ESRRG: variants seen among roughly 807,000 people sequenced by gnomAD.
ESRRG encodes the protein estrogen-related receptor gamma.
In ESRRG, 13 loss-of-function variants were observed where a neutral mutation model predicts 44.0. That is an observed-to-expected ratio of 0.30 (90% CI 0.19 to 0.47). ESRRG has a LOEUF of 0.47. Ranked by LOEUF, ESRRG falls within the 20% of genes least tolerant of loss-of-function variation. The pLI, the probability that ESRRG is intolerant of heterozygous loss-of-function variation, is 1.00. For synonymous variants in ESRRG, 215 were observed against 214.6 expected (o/e 1.00, Z -0.02); for missense variants, 395 against 580.6 (o/e 0.68, Z 3.29).
chr1:216,544,936 G>A (rs936923932), intron 5 of ESRRG, among the ~76,000 whole-genome samples: 1 of 151,810 alleles, frequency 6.6e-6, no homozygotes, highest in Non-Finnish European at 1.5e-5. Context: ...AACAATTTAA[G>A]AATTAGAAAA....
chr1:216,761,224 C>CT (rs34882909), intron 2 of ESRRG, among the ~76,000 whole-genome samples: 10,426 of 151,116 alleles, frequency 0.069, 438 homozygotes, highest in Admixed American at 0.13. Flanking sequence ...TACATACTTC[C>CT]TTTTTTTTTA....
At chr1:216,851,418 C>T (rs1467835168) in intron 2 of ESRRG, among the ~76,000 whole-genome samples, 3 of 152,134 alleles carry the variant, frequency 2.0e-5, no homozygotes, top group Non-Finnish European at 2.9e-5. Flanking sequence ...ATCCTCCCCA[C>T]TCCCCACCAG....
At chr1:216,617,537 G>C (rs563362775) in intron 3 of ESRRG, among the ~76,000 whole-genome samples, 1 of 150,722 alleles carries the variant, frequency 6.6e-6, no homozygotes, top group East Asian at 1.9e-4. Context: ...GGGGACTTAC[G>C]ATGTGAGGAA....
chr1:216,700,514 A>G (rs1378706200), intron 1 of ESRRG, among the ~76,000 whole-genome samples: 3 of 152,024 alleles, frequency 2.0e-5, no homozygotes, highest in African/African-American at 4.8e-5. Context: ...ACACTTACGC[A>G]CTCATTTGCT....
intron 2 of ESRRG, among the ~76,000 whole-genome samples, chr1:216,938,897 C>T (rs1191877750): frequency 6.6e-6 from 1 of 152,208 alleles, no homozygotes; most frequent in East Asian, 1.9e-4. Flanking sequence ...ATAGTCATTA[C>T]AACTACAACA....
chr1:217,136,043 G>C (rs1014857570), intron 1 of ESRRG, among the ~76,000 whole-genome samples: 1 of 152,094 alleles, frequency 6.6e-6, no homozygotes, highest in Non-Finnish European at 1.5e-5. Context: ...TAATTTTTGC[G>C]GAAGGGGGTA....
chr1:217,135,429 G>T (rs1472478344), intron 1 of ESRRG, among the ~76,000 whole-genome samples: 3 of 152,184 alleles, frequency 2.0e-5, no homozygotes, highest in East Asian at 3.9e-4. Flanking sequence ...AGAATGAGAA[G>T]GGAGAAATCA....
intron 2 of ESRRG, among the ~76,000 whole-genome samples, chr1:216,793,872 CT>C (rs2094398145): frequency 6.6e-6 from 1 of 151,882 alleles, no homozygotes; most frequent in Admixed American, 6.6e-5. Flanking sequence ...TAACCATTTT[CT>C]GAATGAATGA....
At chr1:216,548,409 A>C (rs537942160) in intron 5 of ESRRG, among the ~76,000 whole-genome samples, 3 of 152,238 alleles carry the variant, frequency 2.0e-5, no homozygotes, top group African/African-American at 7.2e-5. Context: ...ATTCCTTAAA[A>C]TTTAAAAGAA....
intron 1 of ESRRG, among the ~76,000 whole-genome samples, chr1:216,690,455 T>C (rs904461264): frequency 6.6e-6 from 1 of 152,106 alleles, no homozygotes; most frequent in Non-Finnish European, 1.5e-5. Flanking sequence ...CTAATCATCA[T>C]AATAGAAATC....
intron 1 of ESRRG, among the ~76,000 whole-genome samples, chr1:217,065,409 G>C (rs2089460129): frequency 6.6e-6 from 1 of 152,204 alleles, no homozygotes; most frequent in Admixed American, 6.5e-5. Flanking sequence ...TGTTGTTAAA[G>C]GTGTTCTTGG....
intron 3 of ESRRG, among the ~76,000 whole-genome samples, chr1:216,638,364 C>CTCTGAG (rs142436105): frequency 0.021 from 3,179 of 152,206 alleles, 234 homozygotes; most frequent in East Asian, 0.19. Flanking sequence ...TGACAGTGAA[C>CTCTGAG]TCTGAGTCTA....
chr1:216,811,752 G>A (rs11572591), intron 2 of ESRRG, among the ~76,000 whole-genome samples: 1,644 of 152,194 alleles, frequency 0.011, 15 homozygotes, highest in Middle Eastern at 0.017. Context: ...AAGGAACAGA[G>A]CATTATAAGA....
At chr1:216,523,006 T>C (rs2148976682) in intron 5 of ESRRG, among the ~76,000 whole-genome samples, 1 of 152,322 alleles carries the variant, frequency 6.6e-6, no homozygotes, top group South Asian at 2.1e-4. Context: ...AAAATATGCT[T>C]TGCAGTTGTG....
intron 1 of ESRRG, among the ~76,000 whole-genome samples, chr1:217,005,455 C>A (rs113540478): frequency 0.012 from 1,841 of 152,212 alleles, 19 homozygotes; most frequent in Non-Finnish European, 0.016. Flanking sequence ...TCAATCACAA[C>A]TGTTGCTTGG....
chr1:216,791,595 T>C (rs896599477), intron 2 of ESRRG, among the ~76,000 whole-genome samples: 3 of 152,134 alleles, frequency 2.0e-5, no homozygotes, highest in African/African-American at 4.8e-5. Flanking sequence ...CATCAATACA[T>C]TGGAGCCATA....
chr1:216,849,913 C>T (rs2095815921), intron 2 of ESRRG, among the ~76,000 whole-genome samples: 1 of 152,100 alleles, frequency 6.6e-6, no homozygotes, highest in South Asian at 2.1e-4. Context: ...GTATCTTCTT[C>T]AGCAGAAAGA....
intron 2 of ESRRG, among the ~76,000 whole-genome samples, chr1:216,891,054 A>G (rs1409432435): frequency 1.3e-5 from 2 of 152,228 alleles, no homozygotes; most frequent in Non-Finnish European, 2.9e-5. Context: ...AAGAAAAAAC[A>G]TATGGACGCC....
At chr1:216,678,996 G>T (rs575249334) in intron 1 of ESRRG, among the ~76,000 whole-genome samples, 4 of 152,316 alleles carry the variant, frequency 2.6e-5, no homozygotes, top group African/African-American at 9.6e-5. Flanking sequence ...TCACTTAACT[G>T]TTCCAAGAAG....
Sources: allele counts gnomAD v4.1 joint callset (sites outside exome capture counted in the v4.1 genomes callset), GRCh38; gene constraint gnomAD v4.1.1; transcripts MANE v1.5; gene names NCBI Gene and HGNC (gene_info 2026-07-23, HGNC 2026-07-21).